PARD3B: variants seen among roughly 807,000 people sequenced by gnomAD.
PARD3B encodes the protein par-3 family cell polarity regulator beta.
PARD3B carries 103 observed loss-of-function variants against 130.2 expected under a neutral mutation model. That is an observed-to-expected ratio of 0.79 (90% CI 0.67 to 0.93). PARD3B has a LOEUF of 0.93. Among genes scored for constraint, PARD3B ranks in the 40% least tolerant of loss-of-function variants. The pLI is 0.00. For synonymous variants in PARD3B, 583 were observed against 553.2 expected, an observed-to-expected ratio of 1.05 and a Z score of -0.76; for missense variants, 1,609 against 1,499.2, an observed-to-expected ratio of 1.07 and a Z score of -1.21.
chr2:204,770,659 G>T (rs751024361), intron 2 of PARD3B, among the ~76,000 whole-genome samples: 2 of 151,972 alleles, frequency 1.3e-5, no homozygotes, highest in Non-Finnish European at 2.9e-5. Flanking sequence ...GCGATATTTT[G>T]AGAGGTTTGT....
chr2:205,016,780 T>C (rs1162505381), intron 3 of PARD3B, among the ~76,000 whole-genome samples: 1 of 152,166 alleles, frequency 6.6e-6, no homozygotes, highest in Non-Finnish European at 1.5e-5. Context: ...ATTTAGAAAT[T>C]CCTTCCTACT....
At chr2:205,601,515 T>G (rs925794499) in intron 22 of PARD3B, among the ~76,000 whole-genome samples, 10 of 152,368 alleles carry the variant, frequency 6.6e-5, no homozygotes, top group African/African-American at 9.6e-5. Context: ...AGATCCCATT[T>G]GCCAATTTTT....
chr2:204,667,073 A>C (rs966768728), intron 1 of PARD3B, among the ~76,000 whole-genome samples: 3 of 152,188 alleles, frequency 2.0e-5, no homozygotes, highest in African/African-American at 7.2e-5. Flanking sequence ...AGAGAGGATG[A>C]GGAAATGCTG....
At chr2:205,045,865 C>A (rs1030203228) in intron 3 of PARD3B, among the ~76,000 whole-genome samples, 1 of 151,846 alleles carries the variant, frequency 6.6e-6, no homozygotes, top group Non-Finnish European at 1.5e-5. Context: ...AATTGTTGAT[C>A]GCTAAAATGT....
intron 1 of PARD3B, among the ~76,000 whole-genome samples, chr2:204,590,935 A>G (rs1559173038): frequency 6.6e-6 from 1 of 152,202 alleles, no homozygotes; most frequent in African/African-American, 2.4e-5. Flanking sequence ...AAAGATAGGC[A>G]GTGAGACTTT....
chr2:204,657,338 A>C (rs1273545725), intron 1 of PARD3B, among the ~76,000 whole-genome samples: 1 of 152,146 alleles, frequency 6.6e-6, no homozygotes, highest in Non-Finnish European at 1.5e-5. Context: ...GTGAAACCTC[A>C]TCTCTACCAA....
chr2:205,304,373 A>C (rs2336418), intron 18 of PARD3B, among the ~76,000 whole-genome samples: 90,746 of 151,710 alleles, frequency 0.6, 29,089 homozygotes, highest in South Asian at 0.75. Context: ...TAGTGGCCCA[A>C]GCCTGTAATC....
At chr2:204,579,929 T>C (rs182356939) in intron 1 of PARD3B, among the ~76,000 whole-genome samples, 109 of 152,390 alleles carry the variant, frequency 7.2e-4, no homozygotes, top group African/African-American at 2.5e-3. Context: ...GTTAATAATG[T>C]ATCAGAAAGT....
intron 4 of PARD3B, among the ~76,000 whole-genome samples, chr2:205,066,757 C>T (rs1401862823): frequency 9.2e-5 from 14 of 152,100 alleles, no homozygotes; most frequent in East Asian, 7.7e-4. Flanking sequence ...TTCATTTTGA[C>T]GGTTTTTCTT....
At position 204,880,739 on chromosome 2, in the gene PARD3B, G is replaced by A. The variant is rs377595282; in HGVS notation, c.223-84413G>A. On this transcript the variant is annotated intron_variant, in intron 2 of 22. Transcript: ENST00000406610. ...CCAAGAAGTATCCAGCTGATGTGGG[G>A]CTGCACACAAATGACTTTTGCATGG... Among the ~76,000 whole-genome samples, 57 of 151,826 alleles carry A rather than the reference G, an allele frequency of 3.8e-4. 1 individual carries two copies. Among genetic ancestry groups the A allele is most frequent in the African/African-American group, 1.4e-3 (56 of 41,392 alleles).
intron 15 of PARD3B, among the ~76,000 whole-genome samples, chr2:205,240,679 A>T (rs543016052): frequency 2.0e-5 from 3 of 152,196 alleles, no homozygotes; most frequent in Non-Finnish European, 4.4e-5. Context: ...TAAGAAGAGC[A>T]TCTGGGGCCC....
intron 2 of PARD3B, among the ~76,000 whole-genome samples, chr2:204,825,605 G>T (rs1450424866): frequency 6.6e-6 from 1 of 152,198 alleles, no homozygotes; most frequent in Non-Finnish European, 1.5e-5. Flanking sequence ...AGACTAAACA[G>T]AAAACTTTAT....
At chr2:204,764,715 C>CGTGTGTGTGTGTGTGTGTGT (rs10522212) in intron 2 of PARD3B, among the ~76,000 whole-genome samples, 117 of 145,752 alleles carry the variant, frequency 8.0e-4, no homozygotes, top group African/African-American at 7.8e-4. Flanking sequence ...GGCATGCATG[C>CGTGTGTGTGTGTGTGTGTGT]GTGTGTGTGT....
In PARD3B at chr2:204,673,106, C is replaced by G. The variant is rs1260126078; in HGVS notation, c.121-13075C>G. On this transcript the variant is annotated intron_variant, in intron 1 of 22. Transcript: ENST00000406610. This position sits in a 1 kb window ranked among gnomAD's most constrained non-coding sequence, Gnocchi z 4.7. Reference sequence around the variant, plus strand: ...AATTTTGAATTTCAGCCTAGTCTTACTTTAAAGCTCATACTTTTTCCACGA... The same window carrying G: ...AATTTTGAATTTCAGCCTAGTCTTAGTTTAAAGCTCATACTTTTTCCACGA... Among the ~76,000 whole-genome samples the G allele has an allele frequency of 6.6e-6, 1 of 152,156 alleles. No homozygotes were observed. The highest frequency in any genetic ancestry group is 1.5e-5 in the Non-Finnish European group (1 of 68,022).
intron 18 of PARD3B, among the ~76,000 whole-genome samples, chr2:205,320,609 T>G (rs1436642480): frequency 6.6e-6 from 1 of 152,216 alleles, no homozygotes; most frequent in Non-Finnish European, 1.5e-5. Flanking sequence ...ATAGAGAGGA[T>G]AAGATGTTCT....
chr2:205,515,574 T>G (rs533172353), intron 21 of PARD3B, among the ~76,000 whole-genome samples: 158 of 152,258 alleles, frequency 1.0e-3, no homozygotes, highest in Non-Finnish European at 1.0e-3. Flanking sequence ...ATTGAGTTTT[T>G]TTTAATGTGC....
intron 2 of PARD3B, among the ~76,000 whole-genome samples, chr2:204,748,200 A>G (rs1483800604): frequency 6.6e-6 from 1 of 152,100 alleles, no homozygotes; most frequent in African/African-American, 2.4e-5. Flanking sequence ...CAGATGCCAC[A>G]TTTTTTTCTT....
At chr2:204,991,453 C>T (rs1280767676) in intron 3 of PARD3B, among the ~76,000 whole-genome samples, 6 of 142,128 alleles carry the variant, frequency 4.2e-5, no homozygotes, top group Non-Finnish European at 9.1e-5. Flanking sequence ...ATATGTGCCA[C>T]ATTTTCTTAA....
intron 21 of PARD3B, 75 bp downstream of exon 21, chr2:205,500,106 A>G: frequency 6.6e-7 from 1 of 1,526,134 alleles, no homozygotes; most frequent in Non-Finnish European, 9.0e-7. Context: ...CACGGTCAAG[A>G]ATGTTCTGTA....
Sources: allele counts gnomAD v4.1 joint callset (sites outside exome capture counted in the v4.1 genomes callset), GRCh38; gene constraint gnomAD v4.1.1; non-coding constraint Gnocchi (gnomAD v3.1); transcripts MANE v1.5; gene names NCBI Gene and HGNC (gene_info 2026-07-23, HGNC 2026-07-21).